The following ELP6 variants were observed in gnomAD, a reference collection of about 807,000 sequenced individuals.
ELP6 encodes elongator complex protein 6.
In ELP6, 23 loss-of-function variants were observed where a neutral mutation model predicts 28.1. That is an observed-to-expected ratio of 0.82 (90% CI 0.59 to 1.16). ELP6 has a LOEUF of 1.16. Ranked by LOEUF, ELP6 falls within the 50% of genes most tolerant of loss-of-function variation. The pLI is 0.00. For missense variants in ELP6, 313 were observed against 334.6 expected, an observed-to-expected ratio of 0.94 and a Z score of 0.50; for synonymous variants, 132 against 135.8, an observed-to-expected ratio of 0.97 and a Z score of 0.19.
intron 3 of ELP6, 101 bp downstream of exon 3, chr3:47,510,083 T>C (rs571831064): frequency 2.1e-5 from 20 of 952,268 alleles, no homozygotes; most frequent in Middle Eastern, 4.3e-4. Context: ...GTCCCTCTTT[T>C]GCTAAGTTCT....
intron 1 of ELP6, chr3:47,511,918 A>T: frequency 1.0e-6 from 1 of 985,152 alleles, no homozygotes; most frequent in Non-Finnish European, 1.2e-6. Flanking sequence ...AAATGCCTTA[A>T]CTTCTCTGGG....
Position 47,510,184 on chromosome 3 carries a change from C to T in ELP6, c.204G>A (p.Leu68=). ...CATCATGGAGCTCCAAAATATTTACCAGCTTCTGTCCCACGATACTGTAGT... is the reference window on the plus strand; with the variant it reads ...CATCATGGAGCTCCAAAATATTTACTAGCTTCTGTCCCACGATACTGTAGT... ...FSHYSIVGQK[L]GVSLTMARER... The change falls in exon 3 of 7, where the codon CTG becomes CTA. Residue 68 remains leucine (L), a splice_region_variant and synonymous_variant. Coordinates refer to ENST00000296149, the MANE Select transcript of ELP6 (RefSeq NM_001031703.3). 6.2e-7 allele frequency: 1 copy of T among 1,613,012 alleles called. No homozygotes were observed. The highest frequency in any genetic ancestry group is 1.1e-5 in the South Asian group (1 of 91,046).
chr3:47,509,532 G>C (rs1708951088), intron 3 of ELP6, among the ~76,000 whole-genome samples: 1 of 152,224 alleles, frequency 6.6e-6, no homozygotes, highest in Non-Finnish European at 1.5e-5. Flanking sequence ...CCTAGACTTA[G>C]GGAAAGACAG....
At chr3:47,504,535 C>A in intron 3 of ELP6, 87 bp from the exon 4 acceptor site, 1 of 1,443,164 alleles carries the variant, frequency 6.9e-7, no homozygotes. Flanking sequence ...CATAAGACAC[C>A]TTCCAAACTT....
At chr3:47,511,023 C>T in intron 2 of ELP6, 125 bp downstream of exon 2, 2 of 749,912 alleles carry the variant, frequency 2.7e-6, no homozygotes, top group South Asian at 1.8e-5. Context: ...AAATAGCCCC[C>T]CTAGGTATCC....
intron 6 of ELP6, chr3:47,498,008 G>T (rs1708528302): frequency 1.0e-6 from 1 of 985,190 alleles, no homozygotes; most frequent in African/African-American, 1.7e-5. Context: ...GTTATTTGAT[G>T]GCATGCCCCT....
intron 3 of ELP6, chr3:47,509,972 G>A (rs1033189514): frequency 6.9e-6 from 3 of 435,798 alleles, no homozygotes; most frequent in Non-Finnish European, 1.2e-5. Flanking sequence ...ATGTTGGCCA[G>A]AATGGTCTCC....
intron 3 of ELP6, among the ~76,000 whole-genome samples, chr3:47,507,630 CAAAAAAAAAAA>C (rs915946145): frequency 1.1e-5 from 1 of 88,358 alleles, no homozygotes; most frequent in Admixed American, 1.2e-4. Flanking sequence ...ACCCATTCTC[CAAAAAAAAAAA>C]AAAAAAAGAG....
chr3:47,502,594 G>C (rs1019723420), intron 4 of ELP6: 38 of 963,490 alleles, frequency 3.9e-5, no homozygotes, highest in Admixed American at 1.2e-4. Flanking sequence ...CAGCACTTTG[G>C]GGGGCCAGCG....
rs545098398 is a variant in ELP6, at chr3:47,497,862, C to T, written c.672+424G>A. 13 of 679,824 alleles carry T rather than the reference C, an allele frequency of 1.9e-5. No homozygotes were observed. The Admixed American group carries it at 3.1e-4, about 16-fold the overall frequency. The allele number at this position is 679,824 out of a possible 1,614,324, so 42.1% of individuals were successfully genotyped here. On this transcript the variant is annotated intron_variant, in intron 6 of 6. Transcript: ENST00000296149. ...CAGAGAATTGCTTGAACCCAGGAGG[C>T]GGAGGTTGCAGTGAGCCAAGATCGC...
At chr3:47,507,395 G>C (rs1216396500) in intron 3 of ELP6, among the ~76,000 whole-genome samples, 2 of 150,810 alleles carry the variant, frequency 1.3e-5, no homozygotes, top group African/African-American at 2.4e-5. Flanking sequence ...GCAGACCCCT[G>C]GGTCTAATTC....
chr3:47,497,978 T>C (rs1230903322), intron 6 of ELP6: 2 of 985,070 alleles, frequency 2.0e-6, no homozygotes, highest in Non-Finnish European at 2.4e-6. Context: ...CCTGCTGCAG[T>C]ACTGCGGAGG....
At position 47,512,136 on chromosome 3, in the gene ELP6, T is replaced by C. The variant is rs147521635; in HGVS notation, c.55-910A>G. ...CTGGCAACTAAAATCCACAAGGATCTACTGAAAGCTACAATTTGGCGCTAT... is the reference window on the plus strand; with the variant it reads ...CTGGCAACTAAAATCCACAAGGATCCACTGAAAGCTACAATTTGGCGCTAT... On this transcript the variant is annotated intron_variant, in intron 1 of 6. Coordinates refer to ENST00000296149, the MANE Select transcript of ELP6 (RefSeq NM_001031703.3). The C allele has an allele frequency of 4.4e-6, 4 of 913,178 alleles. No homozygotes were observed. In the East Asian group the frequency reaches 4.7e-4, roughly 108 times the overall value. The allele number at this position is 913,178 out of a possible 1,614,324, so 56.6% of individuals were successfully genotyped here.
chr3:47,502,239 G>C (rs140042280), intron 4 of ELP6: 1 of 214,388 alleles, frequency 4.7e-6, no homozygotes, highest in African/African-American at 2.3e-5. Context: ...GTGAAACCCC[G>C]TCTCTACTAA....
chr3:47,499,957 G>A (rs1215122203), intron 5 of ELP6: 6 of 1,351,922 alleles, frequency 4.4e-6, no homozygotes, highest in Non-Finnish European at 5.9e-6. Context: ...TCCTGGTGGT[G>A]TCGGCCAAGT....
intron 2 of ELP6, 86 bp downstream of exon 2, chr3:47,511,062 G>A: frequency 1.7e-6 from 2 of 1,177,858 alleles, no homozygotes; most frequent in South Asian, 1.3e-5. Flanking sequence ...TGTAAATGCT[G>A]TTATTGCTTC....
intron 4 of ELP6, among the ~76,000 whole-genome samples, chr3:47,503,978 A>G (rs146922872): frequency 6.6e-6 from 1 of 152,384 alleles, no homozygotes; most frequent in East Asian, 1.9e-4. Context: ...AAATGTATTT[A>G]CAAAAACAGG....
chr3:47,513,421 G>A, intron 1 of ELP6, 116 bp downstream of exon 1: 2 of 1,508,732 alleles, frequency 1.3e-6, no homozygotes, highest in East Asian at 2.5e-5. Context: ...ACAACTCCCA[G>A]GTACCCCGTG....
chr3:47,509,254 G>A (rs1708940976), intron 3 of ELP6, among the ~76,000 whole-genome samples: 1 of 152,108 alleles, frequency 6.6e-6, no homozygotes. Context: ...GAGCCACCAC[G>A]CCTGGCCCAA....
Sources: allele counts gnomAD v4.1 joint callset (sites outside exome capture counted in the v4.1 genomes callset), GRCh38; gene constraint gnomAD v4.1.1; transcripts MANE v1.5; gene names NCBI Gene and HGNC (gene_info 2026-07-23, HGNC 2026-07-21).